The following CIMAP1D variants were observed in gnomAD, a reference collection of about 807,000 sequenced individuals.
CIMAP1D encodes CIMAP1 family member D, also known as protein CIMAP1D.
chr19:465,996 T>TG, the CIMAP1D span, among the ~76,000 whole-genome samples: 1 of 113,822 alleles, frequency 8.8e-6, no homozygotes, highest in African/African-American at 3.7e-5. Context: ...GATAGATGGT[T>TG]GGGTGGATGC....
the CIMAP1D span, among the ~76,000 whole-genome samples, chr19:487,292 T>G: frequency 6.6e-6 from 1 of 152,154 alleles, no homozygotes; most frequent in East Asian, 1.9e-4. Context: ...GCGCTGCAAG[T>G]GAGGGCCTTT....
the CIMAP1D span, among the ~76,000 whole-genome samples, chr19:471,144 G>C: frequency 8.3e-3 from 1,259 of 152,304 alleles, 14 homozygotes; most frequent in African/African-American, 0.029. Flanking sequence ...TTTTGTTTTT[G>C]TTTTCTTTTC....
the CIMAP1D span, among the ~76,000 whole-genome samples, chr19:477,681 G>C: frequency 1.3e-5 from 2 of 152,128 alleles, no homozygotes; most frequent in African/African-American, 2.4e-5. Context: ...ATTTATTTTT[G>C]ACACGGAGTC....
At chr19:468,194 C>T in the CIMAP1D span, among the ~76,000 whole-genome samples, 5 of 152,166 alleles carry the variant, frequency 3.3e-5, no homozygotes, top group South Asian at 2.1e-4. Flanking sequence ...AGCAAGATCC[C>T]GTCTCTACTA....
At chr19:463,879 G>A in the CIMAP1D span, 1 of 1,610,732 alleles carries the variant, frequency 6.2e-7, no homozygotes, top group East Asian at 2.2e-5. Context: ...TGCCCCGCAG[G>A]CCGGGAGGGC....
chr19:484,650 T>TG, the CIMAP1D span, among the ~76,000 whole-genome samples: 8 of 151,960 alleles, frequency 5.3e-5, no homozygotes, highest in Non-Finnish European at 1.0e-4. Context: ...ACGGGGTGTC[T>TG]GGGGAGGGCA....
chr19:487,539 G>T, the CIMAP1D span, among the ~76,000 whole-genome samples: 212 of 152,322 alleles, frequency 1.4e-3, no homozygotes, highest in African/African-American at 5.0e-3. Flanking sequence ...GGCGCATGAC[G>T]TGTGCCTGTG....
chr19:474,594 C>T, the CIMAP1D span: 2 of 1,490,720 alleles, frequency 1.3e-6, no homozygotes, highest in Non-Finnish European at 1.8e-6. Context: ...GAAAAGGTCC[C>T]ACCCATCCCC....
At chr19:484,701 G>C in the CIMAP1D span, among the ~76,000 whole-genome samples, 1 of 152,218 alleles carries the variant, frequency 6.6e-6, no homozygotes, top group African/African-American at 2.4e-5. Flanking sequence ...CACCTGGCGA[G>C]GCGGAGGAGC....
At chr19:484,290 G>GCA in the CIMAP1D span, among the ~76,000 whole-genome samples, 3 of 151,488 alleles carry the variant, frequency 2.0e-5, no homozygotes, top group Non-Finnish European at 4.4e-5. Context: ...ACAGGTGTGC[G>GCA]CCACCACGCC....
At chr19:487,047 C>T in the CIMAP1D span, among the ~76,000 whole-genome samples, 11 of 152,130 alleles carry the variant, frequency 7.2e-5, no homozygotes, top group Admixed American at 6.6e-4. Flanking sequence ...CCGCCATGCC[C>T]GGCCTATCGG....
At chr19:481,410 T>TGGGAAGGATGATG in the CIMAP1D span, among the ~76,000 whole-genome samples, 1 of 70,258 alleles carries the variant, frequency 1.4e-5, no homozygotes, top group African/African-American at 7.5e-5. Flanking sequence ...GGAAGGATGA[T>TGGGAAGGATGATG]GGGAAGGATG....
At chr19:480,969 TG>T in the CIMAP1D span, among the ~76,000 whole-genome samples, 11 of 53,944 alleles carry the variant, frequency 2.0e-4, no homozygotes, top group East Asian at 7.4e-4. Flanking sequence ...GGAAGGATGA[TG>T]GGGAAGGATG....
the CIMAP1D span, among the ~76,000 whole-genome samples, chr19:490,960 G>A: frequency 6.6e-6 from 1 of 152,204 alleles, no homozygotes; most frequent in African/African-American, 2.4e-5. Context: ...TTAGCTGGGC[G>A]TGGTGGCAGG....
At chr19:477,879 C>T in the CIMAP1D span, among the ~76,000 whole-genome samples, 1 of 152,204 alleles carries the variant, frequency 6.6e-6, no homozygotes, top group African/African-American at 2.4e-5. Flanking sequence ...CGTCCTGCTC[C>T]TTCCCCTTTG....
the CIMAP1D span, chr19:472,536 C>A: frequency 7.0e-7 from 1 of 1,425,716 alleles, no homozygotes; most frequent in African/African-American, 1.4e-5. Flanking sequence ...CCTCCTGGGC[C>A]CAGATTCCCC....
At chr19:484,360 C>T in the CIMAP1D span, among the ~76,000 whole-genome samples, 88 of 152,118 alleles carry the variant, frequency 5.8e-4, no homozygotes, top group Middle Eastern at 3.4e-3. Context: ...AGGCTGGTCT[C>T]GAACTCCTGA....
chr19:481,757 T>G, the CIMAP1D span, among the ~76,000 whole-genome samples: 1 of 147,626 alleles, frequency 6.8e-6, no homozygotes, highest in Admixed American at 7.0e-5. Flanking sequence ...AGAAACAGAC[T>G]GAGAACCTCC....
At chr19:484,725 G>A in the CIMAP1D span, among the ~76,000 whole-genome samples, 48 of 152,338 alleles carry the variant, frequency 3.2e-4, no homozygotes, top group African/African-American at 1.1e-3. Flanking sequence ...GAGGAGGCCA[G>A]GGTGGCTGCC....
Sources: allele counts gnomAD v4.1 joint callset (sites outside exome capture counted in the v4.1 genomes callset), GRCh38; gene constraint gnomAD v4.1.1; transcripts MANE v1.5; gene names NCBI Gene and HGNC (gene_info 2026-07-23, HGNC 2026-07-21).